UBR4: variants seen among roughly 807,000 people sequenced by gnomAD.
UBR4 encodes ubiquitin protein ligase E3 component n-recognin 4.
Under a neutral mutation model 575.6 loss-of-function variants are expected in UBR4, and 124 were observed. The ratio of observed to expected loss-of-function variants is 0.22; its 90% CI spans 0.19 to 0.25. The LOEUF is 0.25. Ranked by LOEUF, UBR4 falls within the 10% of genes least tolerant of loss-of-function variation. UBR4 has a pLI of 1.00. For missense variants in UBR4, 4,818 were observed against 6,478.8 expected (o/e 0.74, Z 8.80); for synonymous variants, 2,455 against 2,473.7 (o/e 0.99, Z 0.22).
At chr1:19,174,826 C>CTAT in intron 21 of UBR4, 128 bp downstream of exon 21, 1 of 864,688 alleles carries the variant, frequency 1.2e-6, no homozygotes, top group African/African-American at 1.7e-5. Context: ...TTAGAATAAG[C>CTAT]TCAAATCGTA....
At chr1:19,162,659 T>C (rs750696418) in intron 34 of UBR4, 48 bp from the exon 35 acceptor site, 2 of 1,547,288 alleles carry the variant, frequency 1.3e-6, no homozygotes, top group South Asian at 1.2e-5. Flanking sequence ...TGTTTCATTA[T>C]GTAAACCATG....
chr1:19,093,288 G>A lies in UBR4; in HGVS notation c.14111+25C>T. The A allele has an allele frequency of 6.2e-7, 1 of 1,607,950 alleles. No homozygotes were observed. Among genetic ancestry groups the A allele is most frequent in the East Asian group, 2.2e-5 (1 of 44,800 alleles). On this transcript the variant is annotated intron_variant, in intron 96 of 105. Transcript: ENST00000375254. This position sits in a 1 kb window ranked among gnomAD's most constrained non-coding sequence, Gnocchi z 4.8. The stretch of plus-strand genomic sequence containing the variant: ...GAAAGGGCAAAGCGAAGGCAAAGCA[G>A]CCCCGCTGCGGGAGGGCTTCATACT...
At chr1:19,078,204 G>A in intron 103 of UBR4, 138 bp from the exon 104 acceptor site, 1 of 835,962 alleles carries the variant, frequency 1.2e-6, no homozygotes, top group Non-Finnish European at 1.8e-6. Flanking sequence ...CCTTCTGCTT[G>A]GAAAAAAGCA....
At chr1:19,130,800 G>A (rs1002844826) in intron 60 of UBR4, among the ~76,000 whole-genome samples, 3 of 152,182 alleles carry the variant, frequency 2.0e-5, no homozygotes, top group Admixed American at 6.5e-5. Context: ...CAGATTTGGA[G>A]AACATACAAG....
intron 17 of UBR4, among the ~76,000 whole-genome samples, chr1:19,181,326 A>G (rs2090932782): frequency 4.6e-5 from 7 of 152,132 alleles, no homozygotes; most frequent in Admixed American, 4.6e-4. Flanking sequence ...CCCAGAGTTC[A>G]AGACCAGCCT....
Position 19,139,304 on chromosome 1 carries a change from G to A in UBR4, c.8594-84C>T. On this transcript the variant is annotated intron_variant, in intron 58 of 105. Coordinates refer to ENST00000375254, the MANE Select transcript of UBR4 (RefSeq NM_020765.3). This position sits in a 1 kb window ranked among gnomAD's most constrained non-coding sequence, Gnocchi z 4.2. ...AAAAACAAAAAAAACCCCTCCTTGG[G>A]ATGAAAGCATCAAACCACATAGTGC... is the stretch of plus-strand genomic sequence containing the variant. The A allele has an allele frequency of 6.7e-7, 1 of 1,490,186 alleles. No homozygotes were observed. The highest frequency in any genetic ancestry group is 9.0e-7 in the Non-Finnish European group (1 of 1,114,784). The allele number at this position is 1,490,186 out of a possible 1,614,324, so 92.3% of individuals were successfully genotyped here.
At chr1:19,099,160 A>C (rs573508886) in intron 90 of UBR4, among the ~76,000 whole-genome samples, 3 of 152,314 alleles carry the variant, frequency 2.0e-5, no homozygotes, top group Middle Eastern at 3.4e-3. Flanking sequence ...CCAACTAGTA[A>C]AACAGAAATG....
intron 101 of UBR4, among the ~76,000 whole-genome samples, chr1:19,085,063 A>G (rs2076878380): frequency 6.6e-6 from 1 of 152,256 alleles, no homozygotes; most frequent in Non-Finnish European, 1.5e-5. Context: ...TGACCTGTCC[A>G]TAAGAATGAG....
intron 7 of UBR4, 69 bp downstream of exon 7, chr1:19,197,601 T>G: frequency 6.3e-7 from 1 of 1,577,044 alleles, no homozygotes; most frequent in Non-Finnish European, 8.6e-7. Flanking sequence ...CACTCCAGCC[T>G]GGGTGACAGA....
rs547837784 is a variant in UBR4 at position 19,107,854 on chromosome 1, T to C, written c.12106-888A>G. Among the ~76,000 whole-genome samples, 3 of 152,116 alleles carry C rather than the reference T, an allele frequency of 2.0e-5. No homozygotes were observed. In the East Asian group the frequency reaches 5.8e-4, roughly 29 times the overall value. ...TTGTTAATTCATTGAAAAAGAAGAGTAAATCTATTATTTGTCAACATAAAT... is the reference window on the plus strand; with the variant it reads ...TTGTTAATTCATTGAAAAAGAAGAGCAAATCTATTATTTGTCAACATAAAT... On this transcript the variant is annotated intron_variant, in intron 81 of 105. Transcript: ENST00000375254.
chr1:19,154,297 T>C (rs762460630), intron 44 of UBR4, among the ~76,000 whole-genome samples: 1 of 152,252 alleles, frequency 6.6e-6, no homozygotes, highest in East Asian at 1.9e-4. Context: ...TAGTGTGAAC[T>C]GGTATCCATT....
intron 28 of UBR4, 30 bp from the exon 29 acceptor site, chr1:19,167,261 T>C: frequency 6.2e-7 from 1 of 1,611,122 alleles, no homozygotes; most frequent in African/African-American, 1.3e-5. Flanking sequence ...ATCGAGTTAG[T>C]GAATACACTC....
intron 17 of UBR4, among the ~76,000 whole-genome samples, chr1:19,183,318 A>G (rs1006277352): frequency 6.6e-6 from 1 of 152,132 alleles, no homozygotes; most frequent in Non-Finnish European, 1.5e-5. Context: ...GATAAAAGAC[A>G]TATTTTTTTT....
At chr1:19,112,427 G>A (rs979197318) in intron 78 of UBR4, 97 bp downstream of exon 78, 6 of 1,383,790 alleles carry the variant, frequency 4.3e-6, no homozygotes, top group Non-Finnish European at 5.9e-6. Flanking sequence ...TTGCTGGGTG[G>A]TCAGAAGCAC....
At chr1:19,165,795 G>C in intron 29 of UBR4, 38 bp from the exon 30 acceptor site, 1 of 1,542,792 alleles carries the variant, frequency 6.5e-7, no homozygotes, top group Non-Finnish European at 8.9e-7. Flanking sequence ...CCAGTATTAA[G>C]ACCTGTTTCA....
In UBR4 at chr1:19,100,694, T is replaced by G; in HGVS notation, c.13024-121A>C. On this transcript the variant is annotated intron_variant, in intron 88 of 105. Coordinates refer to ENST00000375254, the MANE Select transcript of UBR4 (RefSeq NM_020765.3). This position sits in a 1 kb window ranked among gnomAD's most constrained non-coding sequence, Gnocchi z 4.2. ...CAAACTCAGCAAGCCCCCCAAACAT[T>G]TAAAGATACAAAGGACAGGAAACTC... The G allele has an allele frequency of 3.3e-6, 3 of 920,132 alleles. No homozygotes were observed. The South Asian group carries it at 4.8e-5, about 15-fold the overall frequency. 57.0% of individuals were successfully genotyped at this position (920,132 alleles called of 1,614,324 possible).
intron 81 of UBR4, among the ~76,000 whole-genome samples, chr1:19,109,381 T>C (rs1420923815): frequency 6.6e-6 from 1 of 152,256 alleles, no homozygotes; most frequent in Non-Finnish European, 1.5e-5. Flanking sequence ...CTATTATAGA[T>C]GTTATACCAT....
At position 19,181,018 on chromosome 1, in the gene UBR4, C is replaced by T. The variant is rs182336595; in HGVS notation, c.2185-1798G>A. Among the ~76,000 whole-genome samples, 603 of 152,280 alleles carry T rather than the reference C, an allele frequency of 4.0e-3. 4 individuals are homozygous for T. Among genetic ancestry groups the T allele is most frequent in the African/African-American group, 0.013 (536 of 41,540 alleles). ...TTCAAAAATTGCCCCAATTTAATTC[C>T]TCAATTTCAGACTCACATTCCAAAC... On this transcript the variant is annotated intron_variant, in intron 17 of 105. Coordinates refer to ENST00000375254, the MANE Select transcript of UBR4 (RefSeq NM_020765.3).
intron 78 of UBR4, among the ~76,000 whole-genome samples, chr1:19,111,366 C>T (rs2313509): frequency 0.28 from 41,839 of 152,140 alleles, 6,611 homozygotes; most frequent in East Asian, 0.61. Flanking sequence ...ATCTGGCCCT[C>T]GCACCCTCTG....
Sources: allele counts gnomAD v4.1 joint callset (sites outside exome capture counted in the v4.1 genomes callset), GRCh38; gene constraint gnomAD v4.1.1; non-coding constraint Gnocchi (gnomAD v3.1); transcripts MANE v1.5; gene names NCBI Gene and HGNC (gene_info 2026-07-23, HGNC 2026-07-21).